PARN: variants seen among roughly 807,000 people sequenced by gnomAD.
PARN encodes poly(A)-specific ribonuclease.
In PARN, 71 loss-of-function variants were observed where a neutral mutation model predicts 102.8. The observed-to-expected ratio is 0.69, with a 90% CI of 0.57 to 0.84. The LOEUF (loss-of-function observed/expected upper bound fraction) is 0.84, where lower values mean the gene tolerates loss of function less well. PARN is among the 40% of genes least tolerant of loss of function. The pLI is 0.00. For synonymous variants in PARN, 261 were observed against 252.9 expected (o/e 1.03, Z -0.30); for missense variants, 782 against 760.9 (o/e 1.03, Z -0.33).
At chr16:14,596,466 G>C (rs968256100) in intron 12 of PARN, among the ~76,000 whole-genome samples, 11 of 152,064 alleles carry the variant, frequency 7.2e-5, no homozygotes, top group Admixed American at 2.0e-4. Context: ...TGGGTGTGGT[G>C]GCTCGTGCCT....
Position 14,482,704 on chromosome 16 carries a change from T to C in PARN, c.1604A>G (p.Asp535Gly). The C allele has an allele frequency of 1.9e-6, 3 of 1,613,950 alleles. No homozygotes were observed. The highest frequency in any genetic ancestry group is 2.5e-6 in the Non-Finnish European group (3 of 1,179,830). The stretch of plus-strand genomic sequence containing the variant: ...GCACTGGGGGTTTAACCGTTTGCTG[T>C]CAGCCTCCTTCCAGCTATCTTCAGT... ...KWTEDSWKEA[D>G]SKRLNPQCIP... is the part of the protein sequence containing the mutation. The change falls in exon 22 of 24, where the codon GAC becomes GGC. Residue 535 changes from aspartate to glycine, a missense_variant. Transcript: ENST00000437198.
chr16:14,496,543 C>G (rs1379016022), intron 21 of PARN, among the ~76,000 whole-genome samples: 2 of 152,116 alleles, frequency 1.3e-5, no homozygotes, highest in East Asian at 1.9e-4. Flanking sequence ...GCTGAAAGAC[C>G]TAAGCAATTT....
At chr16:14,596,932 G>C (rs1970553956) in intron 12 of PARN, among the ~76,000 whole-genome samples, 1 of 151,866 alleles carries the variant, frequency 6.6e-6, no homozygotes, top group Admixed American at 6.6e-5. Context: ...GATTACAGGT[G>C]TGTGCCACCA....
chr16:14,454,774 A>T (rs1961607421), intron 22 of PARN, among the ~76,000 whole-genome samples: 1 of 152,260 alleles, frequency 6.6e-6, no homozygotes, highest in Non-Finnish European at 1.5e-5. Context: ...CAGAATTCCC[A>T]AATCATAAAA....
chr16:14,532,729 C>T (rs1284391546), intron 21 of PARN, among the ~76,000 whole-genome samples: 2 of 151,610 alleles, frequency 1.3e-5, no homozygotes, highest in African/African-American at 2.4e-5. Context: ...CCCCTCACCT[C>T]CCGGGAGGGG....
At chr16:14,500,139 T>C (rs1964509722) in intron 21 of PARN, among the ~76,000 whole-genome samples, 1 of 152,266 alleles carries the variant, frequency 6.6e-6, no homozygotes, top group South Asian at 2.1e-4. Context: ...CACTGCAGCC[T>C]CAACTTCCCA....
chr16:14,467,378 T>C (rs1962424082), intron 22 of PARN, among the ~76,000 whole-genome samples: 1 of 152,188 alleles, frequency 6.6e-6, no homozygotes, highest in Non-Finnish European at 1.5e-5. Context: ...ACAATGCTTC[T>C]TGCCCCTTGA....
At chr16:14,554,235 G>T in intron 19 of PARN, 84 bp from the exon 20 acceptor site, 1 of 879,754 alleles carries the variant, frequency 1.1e-6, no homozygotes. Context: ...CTAAGTCTGA[G>T]CTAATTTGGA....
Position 14,577,728 on chromosome 16 carries a change from C to T in PARN, c.1262+3146G>A, listed in dbSNP as rs373973393. Among the ~76,000 whole-genome samples, 9 of 152,044 alleles carry T rather than the reference C, an allele frequency of 5.9e-5. No homozygotes were observed. In the East Asian group the frequency reaches 9.8e-4, roughly 17 times the overall value. ...TGTTGCCCAGGCTGGAATGCAGTGG[C>T]GCAATCTCGGCTCACTGCAACCTCT... On this transcript the variant is annotated intron_variant, in intron 18 of 23. Coordinates refer to ENST00000437198, the MANE Select transcript of PARN (RefSeq NM_002582.4).
intron 18 of PARN, among the ~76,000 whole-genome samples, chr16:14,567,233 T>C (rs1305837807): frequency 1.3e-5 from 2 of 152,114 alleles, no homozygotes; most frequent in African/African-American, 4.8e-5. Flanking sequence ...TAGGGGAAAA[T>C]ATATTTTGTG....
rs977050924 is a variant in PARN, at chr16:14,630,222, G to A, written c.-97C>T. 17 of 1,112,608 alleles carry A rather than the reference G, an allele frequency of 1.5e-5. No homozygotes were observed. The highest frequency in any genetic ancestry group is 8.5e-5 in the South Asian group (6 of 70,212). 68.9% of individuals were successfully genotyped at this position (1,112,608 alleles called of 1,614,324 possible). ...CGCGGCGACTGCGGCAGTAGCTGAGGCAGCCGCAGCGGTGACGCCGGCCGC... is the reference window on the plus strand; with the variant it reads ...CGCGGCGACTGCGGCAGTAGCTGAGACAGCCGCAGCGGTGACGCCGGCCGC... On this transcript the variant is annotated 5_prime_UTR_variant, in exon 1 of 24. Transcript: ENST00000437198.
intron 18 of PARN, among the ~76,000 whole-genome samples, chr16:14,568,110 G>T (rs1567394565): frequency 6.6e-6 from 1 of 152,174 alleles, no homozygotes. Flanking sequence ...AGCACTGTGG[G>T]AGGCCGAGAC....
intron 21 of PARN, among the ~76,000 whole-genome samples, chr16:14,526,185 T>C (rs1220952115): frequency 1.3e-5 from 2 of 151,070 alleles, no homozygotes; most frequent in African/African-American, 4.9e-5. Context: ...CACTGTTTTT[T>C]TTTTTTTTTG....
chr16:14,481,255 G>T (rs1024445608), intron 22 of PARN, among the ~76,000 whole-genome samples: 1 of 151,936 alleles, frequency 6.6e-6, no homozygotes, highest in Non-Finnish European at 1.5e-5. Flanking sequence ...AGAGAATGGG[G>T]GTAAAATAAA....
In PARN at chr16:14,576,800, G is replaced by A. The variant is rs1011254502; in HGVS notation, c.1262+4074C>T. ...ATTCCAAAAAAGCAAGGAGGACTATGGGAGGTGCCCAGGCCATGAAAAAGA... is the reference window on the plus strand; with the variant it reads ...ATTCCAAAAAAGCAAGGAGGACTATAGGAGGTGCCCAGGCCATGAAAAAGA... On this transcript the variant is annotated intron_variant, in intron 18 of 23. Transcript: ENST00000437198. Among the ~76,000 whole-genome samples, 14 of 152,280 alleles carry A rather than the reference G, an allele frequency of 9.2e-5. No homozygotes were observed. The South Asian group carries it at 2.3e-3, about 25-fold the overall frequency.
intron 5 of PARN, among the ~76,000 whole-genome samples, chr16:14,620,321 G>A (rs986986541): frequency 1.3e-5 from 2 of 152,164 alleles, no homozygotes; most frequent in Middle Eastern, 3.2e-3. Flanking sequence ...AGCTTGCAGT[G>A]AGCTGAGTTT....
intron 22 of PARN, among the ~76,000 whole-genome samples, chr16:14,463,299 T>C (rs527644773): frequency 6.6e-6 from 1 of 152,238 alleles, no homozygotes; most frequent in African/African-American, 2.4e-5. Context: ...AGAACATTTA[T>C]AGGAATACAA....
chr16:14,579,573 A>G (rs1305368287), intron 18 of PARN, among the ~76,000 whole-genome samples: 1 of 152,122 alleles, frequency 6.6e-6, no homozygotes, highest in East Asian at 1.9e-4. Flanking sequence ...GTGACTCAAA[A>G]AAATAATAAT....
At chr16:14,569,388 C>T (rs1390021201) in intron 18 of PARN, among the ~76,000 whole-genome samples, 3 of 152,300 alleles carry the variant, frequency 2.0e-5, no homozygotes, top group African/African-American at 7.2e-5. Context: ...CGCTGCTGCC[C>T]AACCAGGTGG....
Sources: gnomAD v4.1 joint callset for allele counts (sites outside exome capture counted in the v4.1 genomes callset) on GRCh38, gnomAD v4.1.1 for gene constraint, MANE v1.5 for transcripts, NCBI Gene and HGNC (gene_info 2026-07-23, HGNC 2026-07-21) for gene names.